The following CDH22 variants were observed in gnomAD, a reference collection of about 807,000 sequenced individuals.
CDH22 encodes cadherin-22.
Under a neutral mutation model 58.4 loss-of-function variants are expected in CDH22, and 30 were observed. The ratio of observed to expected loss-of-function variants is 0.51; its 90% confidence interval spans 0.38 to 0.70. The LOEUF (loss-of-function observed/expected upper bound fraction) is 0.70. Ranked by LOEUF, CDH22 falls within the 30% of genes least tolerant of loss-of-function variation. The pLI, the probability that CDH22 is intolerant of heterozygous loss-of-function variation, is 0.00. For missense variants in CDH22, 1,014 were observed against 1,233.9 expected (o/e 0.82, Z 2.67); for synonymous variants, 513 against 558.2 (o/e 0.92, Z 1.14).
At chr20:46,235,462 G>GCC in intron 3 of CDH22, among the ~76,000 whole-genome samples, 2 of 152,164 alleles carry the variant, frequency 1.3e-5, no homozygotes, top group Non-Finnish European at 2.9e-5. Context: ...TCTCTCTTCT[G>GCC]ACATCTAGAC....
Position 46,251,178 on chromosome 20 carries a change from C to T in CDH22, c.117G>A (p.Ala39=). The T allele has an allele frequency of 1.9e-6, 3 of 1,557,288 alleles. No homozygotes were observed. Among genetic ancestry groups the T allele is most frequent in the East Asian group, 2.5e-5 (1 of 39,300 alleles). ...CGGGCGCCGACGGCGAGGGTGTGCC[C>T]GCTGCCCACAGGCGCCCCAGCAGCG... is the stretch of plus-strand genomic sequence containing the variant. The part of the protein sequence containing the change: ...PPTLLGRLWA[A]GTPSPSAPGA... The change falls in exon 2 of 12, where the codon GCG becomes GCA. Residue 39 remains alanine (A), a synonymous_variant. Coordinates refer to ENST00000537909, the MANE Select transcript of CDH22 (RefSeq NM_021248.3). This position sits in a 1 kb window ranked among gnomAD's most constrained non-coding sequence, Gnocchi z 6.7.
At chr20:46,244,745 G>A (rs866439530) in intron 2 of CDH22, among the ~76,000 whole-genome samples, 1 of 152,192 alleles carries the variant, frequency 6.6e-6, no homozygotes, top group African/African-American at 2.4e-5. Flanking sequence ...GGAAGGAGTG[G>A]GTTACTGGGT....
chr20:46,241,324 A>C lies in CDH22; in HGVS notation c.256-67T>G. ...AAGCTCCTCTTGGCCTCACTGTCTC[A>C]TGCCATTGGCTGCCTATTCCTAAGC... On this transcript the variant is annotated intron_variant, in intron 2 of 11. Coordinates refer to ENST00000537909, the MANE Select transcript of CDH22 (RefSeq NM_021248.3). The surrounding 1 kb of genome is among the most constrained non-coding windows in gnomAD (Gnocchi z 5.2). 95 of 1,375,754 alleles carry C rather than the reference A, an allele frequency of 6.9e-5. No individual in the cohort carries two copies. The highest frequency in any genetic ancestry group is 8.6e-5 in the Non-Finnish European group (87 of 1,013,372). The allele number at this position is 1,375,754 out of a possible 1,614,324, so 85.2% of individuals were successfully genotyped here. A position where few individuals can be genotyped will look rare whatever the true frequency, so the allele number is the denominator to read the frequency against.
intron 2 of CDH22, among the ~76,000 whole-genome samples, chr20:46,245,691 C>G (rs1266757394): frequency 1.3e-5 from 2 of 152,176 alleles, no homozygotes; most frequent in Non-Finnish European, 2.9e-5. Flanking sequence ...AGTCATCAGA[C>G]TCCCCCAGTT....
Position 46,175,034 on chromosome 20 carries a change from G to A in CDH22, c.1959C>T (p.Ser653=). The A allele has an allele frequency of 6.2e-7, 1 of 1,609,968 alleles. No individual in the cohort carries two copies. The change falls in exon 12 of 12, where the codon AGC becomes AGT. Residue 653 remains serine (S), a synonymous_variant. Coordinates refer to ENST00000537909, the MANE Select transcript of CDH22 (RefSeq NM_021248.3). ...CTTCATCCTCGTCCGAGCTCAGGTGGCTCTTGTGGTGGCGCCTGAGGGTGA... is the reference window on the plus strand; with the variant it reads ...CTTCATCCTCGTCCGAGCTCAGGTGACTCTTGTGGTGGCGCCTGAGGGTGA... ...LILTLRRHHK[S]HLSSDEDEDM...
intron 1 of CDH22, among the ~76,000 whole-genome samples, chr20:46,288,817 T>C (rs1600727881): frequency 6.6e-6 from 1 of 152,298 alleles, no homozygotes; most frequent in Non-Finnish European, 1.5e-5. Flanking sequence ...GCCACCTTCA[T>C]TGTTAGCAGC....
chr20:46,192,147 A>G (rs1214403462), intron 8 of CDH22, among the ~76,000 whole-genome samples: 1 of 152,134 alleles, frequency 6.6e-6, no homozygotes, highest in Non-Finnish European at 1.5e-5. Flanking sequence ...CTCCTCCCCT[A>G]GTATGTAAGC....
chr20:46,240,298 G>A (rs1174501628), intron 3 of CDH22, among the ~76,000 whole-genome samples: 3 of 152,054 alleles, frequency 2.0e-5, no homozygotes, highest in Admixed American at 1.3e-4. Flanking sequence ...CACTATCTGC[G>A]TAAGGGCCTG....
chr20:46,303,849 C>G (rs907588046), intron 1 of CDH22, among the ~76,000 whole-genome samples: 3 of 152,072 alleles, frequency 2.0e-5, no homozygotes, highest in African/African-American at 7.2e-5. Context: ...TTTAATCAAG[C>G]CAGTGACACG....
chr20:46,213,978 G>GTGCT (rs998199315), intron 5 of CDH22, among the ~76,000 whole-genome samples: 7 of 152,198 alleles, frequency 4.6e-5, no homozygotes, highest in African/African-American at 1.7e-4. Context: ...AGGTGTGGGA[G>GTGCT]TGCTGATGAG....
At position 46,216,869 on chromosome 20, in the gene CDH22, G is replaced by A. The variant is rs1298643641; in HGVS notation, c.795C>T (p.Ile265=). ...GGLSGSTTVT[I]VVTDVNDNPP... is the part of the protein sequence containing the mutation. ...GGTTGTCATTGACGTCGGTGACTAC[G>A]ATGGTGACGGTAGTGGAGCCCGAGA... Residue 265 remains isoleucine (I), a synonymous_variant, in exon 5 of 12, where the codon ATC becomes ATT. Coordinates refer to ENST00000537909, the MANE Select transcript of CDH22 (RefSeq NM_021248.3). This position sits in a 1 kb window ranked among gnomAD's most constrained non-coding sequence, Gnocchi z 5.3. 2.5e-6 allele frequency: 4 copies of A among 1,608,586 alleles called. No homozygotes were observed. Among genetic ancestry groups the A allele is most frequent in the East Asian group, 2.2e-5 (1 of 44,722 alleles).
intron 1 of CDH22, among the ~76,000 whole-genome samples, chr20:46,306,362 C>T (rs557554127): frequency 2.0e-5 from 3 of 152,356 alleles, no homozygotes; most frequent in Admixed American, 6.5e-5. Context: ...AAGAGGGCAG[C>T]CCAGGTGGTC....
chr20:46,236,649 A>AT (rs376371729), intron 3 of CDH22, among the ~76,000 whole-genome samples: 1 of 135,824 alleles, frequency 7.4e-6, no homozygotes, highest in Non-Finnish European at 1.5e-5. Flanking sequence ...TTATATATTA[A>AT]TATCTATCTA....
intron 4 of CDH22, among the ~76,000 whole-genome samples, chr20:46,223,526 C>G (rs1168687842): frequency 1.3e-5 from 2 of 152,182 alleles, no homozygotes; most frequent in African/African-American, 4.8e-5. Flanking sequence ...GTGTTGGTCC[C>G]CAGAAATCTG....
chr20:46,252,018 T>G (rs984739587), intron 1 of CDH22, among the ~76,000 whole-genome samples: 43 of 151,954 alleles, frequency 2.8e-4, no homozygotes, highest in Non-Finnish European at 5.6e-4. Context: ...GCGGTGCCCC[T>G]GACCTGGCTG....
chr20:46,284,002 C>T (rs1174778489), intron 1 of CDH22, among the ~76,000 whole-genome samples: 1 of 152,084 alleles, frequency 6.6e-6, no homozygotes, highest in Admixed American at 6.5e-5. Context: ...CCCTTAATGC[C>T]GACTTCAGAC....
chr20:46,277,346 G>T (rs2086523601), intron 1 of CDH22, among the ~76,000 whole-genome samples: 1 of 152,200 alleles, frequency 6.6e-6, no homozygotes, highest in South Asian at 2.1e-4. Context: ...CAGCGGGCCA[G>T]GTTGGGAGGG....
At chr20:46,256,946 C>A (rs1469439563) in intron 1 of CDH22, among the ~76,000 whole-genome samples, 1 of 149,928 alleles carries the variant, frequency 6.7e-6, no homozygotes, top group African/African-American at 2.5e-5. Context: ...TTCAAGGCTG[C>A]AGTGAGCTAT....
At chr20:46,239,652 A>G (rs2086276604) in intron 3 of CDH22, among the ~76,000 whole-genome samples, 1 of 152,252 alleles carries the variant, frequency 6.6e-6, no homozygotes, top group Non-Finnish European at 1.5e-5. Context: ...ACTTTTGGCC[A>G]CAGCGAGTCA....
Sources: allele counts gnomAD v4.1 joint callset (sites outside exome capture counted in the v4.1 genomes callset), GRCh38; gene constraint gnomAD v4.1.1; non-coding constraint Gnocchi (gnomAD v3.1); transcripts MANE v1.5; gene names NCBI Gene and HGNC (gene_info 2026-07-23, HGNC 2026-07-21).